Variants in BATF2 observed in about 807,000 individuals in gnomAD.
BATF2 encodes the protein basic leucine zipper transcriptional factor ATF-like 2.
A neutral mutation model predicts 7.3 loss-of-function variants in BATF2; 4 were observed. That is an observed-to-expected ratio of 0.55 (90% CI 0.27 to 1.26). BATF2 has a LOEUF of 1.26. Among genes scored for constraint, BATF2 ranks in the 50% most tolerant of loss-of-function variants. BATF2 has a pLI of 0.11. For missense variants in BATF2, 295 were observed against 340.5 expected, an observed-to-expected ratio of 0.87 and a Z score of 1.05; for synonymous variants, 152 against 153.9, an observed-to-expected ratio of 0.99 and a Z score of 0.09.
Position 64,989,363 on chromosome 11 carries a change from G to A in BATF2, c.591C>T (p.Pro197=). Residue 197 remains proline, a synonymous_variant, in exon 3 of 3, where the codon CCC becomes CCT. Transcript: ENST00000301887. The surrounding 1 kb of genome is among the most constrained non-coding windows in gnomAD (Gnocchi z 4.3). ...GSSSKLSALQ[P]SLTAQTAPPQ... The stretch of plus-strand genomic sequence containing the variant: ...GAGGGGCAGTTTGGGCCGTGAGGCT[G>A]GGCTGGAGGGCACTGAGCTTAGAGG... The A allele has an allele frequency of 1.9e-6, 3 of 1,573,276 alleles. No individual in the cohort carries two copies. The highest frequency in any genetic ancestry group is 1.7e-6 in the Non-Finnish European group (2 of 1,158,860).
At position 64,989,225 on chromosome 11, in the gene BATF2, A is replaced by G. The variant is rs1362958490; in HGVS notation, c.729T>C (p.Ala243=). 6.2e-7 allele frequency: 1 copy of G among 1,613,826 alleles called. No individual in the cohort carries two copies. Among genetic ancestry groups the G allele is most frequent in the Admixed American group, 1.7e-5 (1 of 59,968 alleles). Residue 243 remains alanine, a synonymous_variant, in exon 3 of 3, where the codon GCT becomes GCC. Coordinates refer to ENST00000301887, the MANE Select transcript of BATF2 (RefSeq NM_138456.4). The surrounding 1 kb of genome is among the most constrained non-coding windows in gnomAD (Gnocchi z 4.3). Reference sequence around the variant, plus strand: ...GCCCTTGCCAAGTGGCTGCTGAGAGAGCAGGTTTGTGCTCCCTGCTCTGCA... The same window carrying G: ...GCCCTTGCCAAGTGGCTGCTGAGAGGGCAGGTTTGTGCTCCCTGCTCTGCA... ...ARLQSREHKP[A]LSAATWQGLV... is the part of the protein sequence containing the mutation.
At chr11:64,992,416 T>C (rs1481424873) in intron 2 of BATF2, among the ~76,000 whole-genome samples, 1 of 152,124 alleles carries the variant, frequency 6.6e-6, no homozygotes, top group Non-Finnish European at 1.5e-5. Context: ...CTATGGACTC[T>C]ATTGTGTTCC....
Position 64,989,057 on chromosome 11 carries a change from G to T in BATF2, c.*72C>A. On this transcript the variant is annotated 3_prime_UTR_variant, in exon 3 of 3. Coordinates refer to ENST00000301887, the MANE Select transcript of BATF2 (RefSeq NM_138456.4). This position sits in a 1 kb window ranked among gnomAD's most constrained non-coding sequence, Gnocchi z 4.3. Reference sequence around the variant, plus strand: ...ACGCAGGGCAGCACCCAGTAGTGAGGGAGGAGAGGCCCGTGTGCTAAGGCT... The same window carrying T: ...ACGCAGGGCAGCACCCAGTAGTGAGTGAGGAGAGGCCCGTGTGCTAAGGCT... The T allele has an allele frequency of 6.5e-7, 1 of 1,533,968 alleles. No homozygotes were observed.
rs760097748 is a variant in BATF2, at chr11:64,989,190, TCCACAA to T, written c.758_763del (p.Val253_Val254del). On this transcript the variant is annotated inframe_deletion, in exon 3 of 3. Transcript: ENST00000301887. The surrounding 1 kb of genome is among the most constrained non-coding windows in gnomAD (Gnocchi z 4.3). Reference sequence around the variant, plus strand: ...GGCCAGGAGAGGGTGAGGGCTGGGATCCACAACCAGCCCTTGCCAAGTGGCTGCTGA... The same window carrying T: ...GGCCAGGAGAGGGTGAGGGCTGGGATCCAGCCCTTGCCAAGTGGCTGCTGA... The T allele has an allele frequency of 1.2e-6, 2 of 1,614,008 alleles. No individual in the cohort carries two copies. Among genetic ancestry groups the T allele is most frequent in the Admixed American group, 3.3e-5 (2 of 59,998 alleles).
In BATF2 at chr11:64,989,326, C is replaced by T. The variant is rs775283756; in HGVS notation, c.628G>A (p.Glu210Lys). 9 of 1,576,302 alleles carry T rather than the reference C, an allele frequency of 5.7e-6. No individual in the cohort carries two copies. Among genetic ancestry groups the T allele is most frequent in the South Asian group, 4.7e-5 (4 of 84,236 alleles). Residue 210 changes from glutamate (E) to lysine (K), a missense_variant, in exon 3 of 3, where the codon GAG becomes AAG. By Grantham distance (56) the Glu-to-Lys change is moderately conservative. Coordinates refer to ENST00000301887, the MANE Select transcript of BATF2 (RefSeq NM_138456.4). This position sits in a 1 kb window ranked among gnomAD's most constrained non-coding sequence, Gnocchi z 4.3. Reference protein sequence around the residue: ...TAQTAPPQPLELEHPTRGKLG... With the variant: ...TAQTAPPQPLKLEHPTRGKLG... ...TTCCCTCTGGTGGGATGCTCCAGCT[C>T]GAGGGGCTGTGGAGGGGCAGTTTGG...
At chr11:64,991,567 G>A (rs1353502204) in intron 2 of BATF2, among the ~76,000 whole-genome samples, 2 of 152,112 alleles carry the variant, frequency 1.3e-5, no homozygotes, top group Admixed American at 6.5e-5. Flanking sequence ...TTATTCATTC[G>A]TTTGCCACCT....
intron 2 of BATF2, chr11:64,990,256 C>T: frequency 6.5e-7 from 1 of 1,527,618 alleles, no homozygotes. Flanking sequence ...CCGGTCTCCT[C>T]TCTCTCGCCT....
chr11:64,990,650 T>C (rs1168568324), intron 2 of BATF2: 6 of 992,610 alleles, frequency 6.0e-6, no homozygotes, highest in Non-Finnish European at 7.2e-6. Flanking sequence ...ATGGTAAAAA[T>C]GCAGAAAGAA....
chr11:64,988,582 C>A lies in BATF2; in HGVS notation c.*547G>T, dbSNP rs1946042498. On this transcript the variant is annotated 3_prime_UTR_variant, in exon 3 of 3. Coordinates refer to ENST00000301887, the MANE Select transcript of BATF2 (RefSeq NM_138456.4). The stretch of plus-strand genomic sequence containing the variant: ...AAACACTACTAGGGGAAGCAAGAGT[C>A]CACTTCAGGGCTTCTGCTTGGCCTC... The A allele has an allele frequency of 6.4e-6, 1 of 155,148 alleles. No homozygotes were observed. Among genetic ancestry groups the A allele is most frequent in the Non-Finnish European group, 1.4e-5 (1 of 69,940 alleles). The allele number at this position is 155,148 out of a possible 1,614,324, so 9.6% of individuals were successfully genotyped here.
rs760808540 is a variant in BATF2 at position 64,989,741 on chromosome 11, C to A, written c.213G>T (p.Ala71=). The A allele has an allele frequency of 1.2e-5, 20 of 1,613,902 alleles. No homozygotes were observed. The highest frequency in any genetic ancestry group is 1.7e-5 in the Admixed American group (1 of 60,006). ...GCACGTGCAGGGTCCGGCTCCACCA[C>A]GCCAGCTCGGCCTGCAGGGACTGGA... ...KEIQSLQAEL[A]WWSRTLHVHE... is the part of the protein sequence containing the mutation. Residue 71 remains alanine, a synonymous_variant, in exon 3 of 3, where the codon GCG becomes GCT. Coordinates refer to ENST00000301887, the MANE Select transcript of BATF2 (RefSeq NM_138456.4). This position sits in a 1 kb window ranked among gnomAD's most constrained non-coding sequence, Gnocchi z 4.3.
At chr11:64,996,620 C>G (rs1196271290) in intron 1 of BATF2, among the ~76,000 whole-genome samples, 1 of 152,204 alleles carries the variant, frequency 6.6e-6, no homozygotes, top group Admixed American at 6.5e-5. Flanking sequence ...TAGGAGAGAG[C>G]AAGTACACAG....
chr11:64,996,279 C>T (rs1202760128), intron 1 of BATF2, among the ~76,000 whole-genome samples: 1 of 150,952 alleles, frequency 6.6e-6, no homozygotes, highest in African/African-American at 2.4e-5. Context: ...TTTATTGAGA[C>T]AGAGTCTCTC....
chr11:64,990,253 C>CCT (rs1163459534), intron 2 of BATF2: 6 of 1,529,162 alleles, frequency 3.9e-6, no homozygotes, highest in African/African-American at 2.7e-5. Context: ...CCTCCGGTCT[C>CCT]CTCTCTCTCG....
At chr11:64,990,491 G>A in intron 2 of BATF2, 1 of 1,207,260 alleles carries the variant, frequency 8.3e-7, no homozygotes, top group Non-Finnish European at 1.0e-6. Flanking sequence ...GGATTCAGGG[G>A]ATTGTTTTAC....
chr11:64,992,324 C>T (rs781171830), intron 2 of BATF2, among the ~76,000 whole-genome samples: 7 of 152,048 alleles, frequency 4.6e-5, no homozygotes, highest in Non-Finnish European at 8.8e-5. Context: ...ACCTCAGCCT[C>T]CCAAAGTGCT....
rs745468416 is a variant in BATF2 at position 64,989,618 on chromosome 11, C to T, written c.336G>A (p.Gln112=). Residue 112 remains glutamine, a synonymous_variant, in exon 3 of 3, where the codon CAG becomes CAA. Transcript: ENST00000301887. This position sits in a 1 kb window ranked among gnomAD's most constrained non-coding sequence, Gnocchi z 4.3. ...QAEGLLGPGP[Q]GQHGCREQLE... is the part of the protein sequence containing the mutation. ...GCTGCTCCCGGCAGCCATGTTGTCC[C>T]TGTGGGCCAGGGCCCAGGAGCCCCT... 15 of 1,610,240 alleles carry T rather than the reference C, an allele frequency of 9.3e-6. 2 individuals are homozygous for T. The highest frequency in any genetic ancestry group is 7.6e-6 in the Non-Finnish European group (9 of 1,178,622).
intron 2 of BATF2, among the ~76,000 whole-genome samples, chr11:64,991,379 A>T (rs1482152057): frequency 1.8e-4 from 25 of 139,550 alleles, no homozygotes; most frequent in East Asian, 1.5e-3. Context: ...CTGGTCTCGA[A>T]CTCCTGACCT....
Position 64,994,486 on chromosome 11 carries a change from G to T in BATF2, c.103C>A (p.Arg35=). The T allele has an allele frequency of 1.2e-6, 2 of 1,601,422 alleles. No individual in the cohort carries two copies. The highest frequency in any genetic ancestry group is 1.7e-6 in the Non-Finnish European group (2 of 1,173,968). The change falls in exon 2 of 3, where the codon CGG becomes AGG. Residue 35 remains arginine (R), a synonymous_variant. Transcript: ENST00000301887. ...QKNRAAAQRS[R]QKHTDKADAL... ...TCTGCCTTGTCTGTGTGCTTCTGCC[G>T]GCTTCGCTGGGCGGCTGCCCGGTTC... is the stretch of plus-strand genomic sequence containing the variant.
In BATF2 at chr11:64,991,055, T is replaced by G. The variant is rs534288866; in HGVS notation, c.142-1243A>C. Among the ~76,000 whole-genome samples the G allele has an allele frequency of 7.6e-3, 1,133 of 148,584 alleles. 16 individuals are homozygous for G. Among genetic ancestry groups the G allele is most frequent in the African/African-American group, 0.027 (1,089 of 40,330 alleles). ...TCTGCCTGCCTCGGCCTCCCAAAGT[T>G]CTGGGATTACAGGCGTGAGCCACCG... On this transcript the variant is annotated intron_variant, in intron 2 of 2. Transcript: ENST00000301887.
Sources: allele counts gnomAD v4.1 joint callset (sites outside exome capture counted in the v4.1 genomes callset), GRCh38; gene constraint gnomAD v4.1.1; non-coding constraint Gnocchi (gnomAD v3.1); transcripts MANE v1.5; gene names NCBI Gene and HGNC (gene_info 2026-07-23, HGNC 2026-07-21).